EPB41L4A: variants seen among roughly 807,000 people sequenced by gnomAD.
The protein encoded by EPB41L4A is erythrocyte membrane protein band 4.1 like 4A, also known as band 4.1-like protein 4A.
In EPB41L4A, 100 loss-of-function variants were observed where a neutral mutation model predicts 108.6. That is an observed-to-expected ratio of 0.92 (90% CI 0.78 to 1.09). EPB41L4A has a LOEUF of 1.09. Ranked by LOEUF, EPB41L4A falls within the 50% of genes least tolerant of loss-of-function variation. The probability of loss-of-function intolerance (pLI) is 0.00; values close to 1 mark genes in which losing one functional copy is unlikely to be tolerated. For synonymous variants in EPB41L4A, 319 were observed against 289.0 expected (o/e 1.10, Z -1.05); for missense variants, 1,030 against 842.7 (o/e 1.22, Z -2.75).
chr5:112,359,334 G>C (rs1758562325), intron 1 of EPB41L4A, among the ~76,000 whole-genome samples: 1 of 152,152 alleles, frequency 6.6e-6, no homozygotes, highest in African/African-American at 2.4e-5. Context: ...ATTTTCAGTT[G>C]AGTGCTTGCT....
chr5:112,214,545 T>G (rs1378785178), intron 12 of EPB41L4A, among the ~76,000 whole-genome samples: 14 of 151,854 alleles, frequency 9.2e-5, no homozygotes, highest in Admixed American at 9.2e-4. Flanking sequence ...GGGCGGATCA[T>G]GAGGTCAGGA....
chr5:112,231,641 C>T (rs568262877), intron 12 of EPB41L4A, among the ~76,000 whole-genome samples: 274 of 150,996 alleles, frequency 1.8e-3, no homozygotes, highest in Middle Eastern at 6.8e-3. Context: ...AAAAAGTAGC[C>T]GGGCGCGGTG....
intron 1 of EPB41L4A, among the ~76,000 whole-genome samples, chr5:112,415,231 C>T (rs1762643951): frequency 6.6e-6 from 1 of 152,006 alleles, no homozygotes. Context: ...CACAGTATTC[C>T]CTCAGGAATC....
intron 9 of EPB41L4A, among the ~76,000 whole-genome samples, chr5:112,245,791 G>A (rs1236512672): frequency 2.0e-5 from 3 of 152,176 alleles, no homozygotes; most frequent in South Asian, 2.1e-4. Context: ...GGGAGAGTGC[G>A]CAGAATGGAT....
chr5:112,206,395 A>G (rs17134244), intron 13 of EPB41L4A, among the ~76,000 whole-genome samples: 8,518 of 152,078 alleles, frequency 0.056, 620 homozygotes, highest in African/African-American at 0.17. Flanking sequence ...ACCCTAGTAT[A>G]CTATCCATGA....
At chr5:112,217,775 T>TAA (rs1483036277) in intron 12 of EPB41L4A, among the ~76,000 whole-genome samples, 2 of 152,152 alleles carry the variant, frequency 1.3e-5, no homozygotes, top group Non-Finnish European at 2.9e-5. Context: ...TAGATATACA[T>TAA]AGACTTTTTA....
At chr5:112,316,492 G>C (rs1755437919) in intron 1 of EPB41L4A, among the ~76,000 whole-genome samples, 1 of 152,050 alleles carries the variant, frequency 6.6e-6, no homozygotes. Context: ...CCTTCCCAGG[G>C]GAGGCACTGT....
chr5:112,405,737 T>C (rs777336016), intron 1 of EPB41L4A, among the ~76,000 whole-genome samples: 7 of 152,196 alleles, frequency 4.6e-5, no homozygotes, highest in Non-Finnish European at 1.0e-4. Context: ...CCTTGGCACA[T>C]AAGAAACAAT....
chr5:112,300,665 G>A lies in EPB41L4A; in HGVS notation c.204+6721C>T, dbSNP rs139963544. 1.3e-3 allele frequency among the ~76,000 whole-genome samples: 195 copies of A among 152,182 alleles called. 1 individual carries two copies. Among genetic ancestry groups the A allele is most frequent in the African/African-American group, 4.3e-3 (179 of 41,518 alleles). On this transcript the variant is annotated intron_variant, in intron 2 of 22. Transcript: ENST00000261486. ...TTGCAATTTGCCAGGTGTTCTTTGA[G>A]CTCCTTCTATTTGGATGTTTAGGTC...
chr5:112,389,794 C>G (rs191533333), intron 1 of EPB41L4A, among the ~76,000 whole-genome samples: 1 of 152,116 alleles, frequency 6.6e-6, no homozygotes, highest in East Asian at 1.9e-4. Flanking sequence ...ATAATTTCAT[C>G]TTTTGACAAT....
chr5:112,418,892 G>A (rs772603735), intron 1 of EPB41L4A, 49 bp downstream of exon 1: 4 of 1,474,110 alleles, frequency 2.7e-6, no homozygotes, highest in African/African-American at 2.8e-5. Flanking sequence ...ATGGACCCCC[G>A]CACCCGCCCT....
intron 12 of EPB41L4A, among the ~76,000 whole-genome samples, chr5:112,147,058 G>C (rs1034436901): frequency 6.6e-6 from 1 of 152,222 alleles, no homozygotes; most frequent in African/African-American, 2.4e-5. Flanking sequence ...ATCCTGTAAT[G>C]TGTAAAGTGT....
chr5:112,226,964 TA>T (rs1460073408), intron 12 of EPB41L4A, among the ~76,000 whole-genome samples: 3 of 140,236 alleles, frequency 2.1e-5, no homozygotes, highest in Non-Finnish European at 3.1e-5. Flanking sequence ...AATTTAATGT[TA>T]TGGTTTTACC....
upstream of EPB41L4A, chr5:112,419,655 C>G: frequency 2.2e-6 from 1 of 456,498 alleles, no homozygotes; most frequent in Non-Finnish European, 4.4e-6. Context: ...CGACCATGGG[C>G]GCAGGGGCAG....
intron 22 of EPB41L4A, among the ~76,000 whole-genome samples, chr5:112,166,339 T>A (rs1484280823): frequency 6.6e-6 from 1 of 152,204 alleles, no homozygotes; most frequent in African/African-American, 2.4e-5. Flanking sequence ...TGGCTTCCTT[T>A]TAGCACTTGG....
chr5:112,233,621 C>G (rs1356648798), intron 12 of EPB41L4A, among the ~76,000 whole-genome samples: 1 of 152,002 alleles, frequency 6.6e-6, no homozygotes, highest in African/African-American at 2.4e-5. Flanking sequence ...CTTTGTTGCT[C>G]AGGCTATACT....
intron 1 of EPB41L4A, among the ~76,000 whole-genome samples, chr5:112,340,278 A>T (rs1371173639): frequency 6.6e-6 from 1 of 152,202 alleles, no homozygotes; most frequent in Non-Finnish European, 1.5e-5. Flanking sequence ...TTTAGGATGC[A>T]TCAGAGTCAA....
chr5:112,392,773 T>A (rs955107297), intron 1 of EPB41L4A: 1 of 152,156 alleles, frequency 6.6e-6, no homozygotes, highest in Non-Finnish European at 1.5e-5. Context: ...CCACCCCAAA[T>A]CAACAGAATA....
chr5:112,300,480 T>C (rs1044978919), intron 2 of EPB41L4A, among the ~76,000 whole-genome samples: 1 of 152,204 alleles, frequency 6.6e-6, no homozygotes, highest in Non-Finnish European at 1.5e-5. Context: ...AGGGACCCAA[T>C]CCCTTCTACC....
Sources: gnomAD v4.1 joint callset for allele counts (sites outside exome capture counted in the v4.1 genomes callset) on GRCh38, gnomAD v4.1.1 for gene constraint, MANE v1.5 for transcripts, NCBI Gene and HGNC (gene_info 2026-07-23, HGNC 2026-07-21) for gene names.